Variants in NFKBID observed in about 807,000 individuals in gnomAD.
The protein encoded by NFKBID is NF-kappa-B inhibitor delta.
NFKBID carries 26 observed loss-of-function variants against 53.4 expected under a neutral mutation model. The ratio of observed to expected loss-of-function variants is 0.49; its 90% CI spans 0.36 to 0.68. The LOEUF (loss-of-function observed/expected upper bound fraction) is 0.68, where lower values mean the gene tolerates loss of function less well. NFKBID is among the 30% of genes least tolerant of loss of function. The pLI is 0.00. For synonymous variants in NFKBID, 262 were observed against 259.8 expected (o/e 1.01, Z -0.08); for missense variants, 493 against 614.1 (o/e 0.80, Z 2.08).
chr19:35,896,672 G>A lies in NFKBID; in HGVS notation c.684+54C>T, dbSNP rs1975180987. 7 of 1,563,516 alleles carry A rather than the reference G, an allele frequency of 4.5e-6. No individual in the cohort carries two copies. Among genetic ancestry groups the A allele is most frequent in the South Asian group, 2.2e-5 (2 of 89,522 alleles). ...TCTTCTCTAGGATCCAGGGGTCCAG[G>A]CCCCAGGCTCCTTCCTCCCCTGAAC... On this transcript the variant is annotated intron_variant, in intron 6 of 11. Coordinates refer to ENST00000641389, the Ensembl canonical transcript of NFKBID. The surrounding 1 kb of genome is among the most constrained non-coding windows in gnomAD (Gnocchi z 5.7).
chr19:35,898,160 G>A (rs553357171), intron 3 of NFKBID, among the ~76,000 whole-genome samples: 2 of 151,984 alleles, frequency 1.3e-5, no homozygotes, highest in African/African-American at 2.4e-5. Context: ...ACCAGCCTAG[G>A]CAACATAGCC....
chr19:35,895,438 A>C (rs1368679042), intron 9 of NFKBID, among the ~76,000 whole-genome samples: 1 of 151,638 alleles, frequency 6.6e-6, no homozygotes, highest in Non-Finnish European at 1.5e-5. Flanking sequence ...CCATGAGATG[A>C]GATTGCACCA....
intron 1 of NFKBID, chr19:35,899,706 C>T (rs980478544): frequency 6.6e-6 from 1 of 152,180 alleles, no homozygotes; most frequent in South Asian, 2.1e-4. Flanking sequence ...AGAACCCTCA[C>T]CCTTCCGAGC....
intron 9 of NFKBID, among the ~76,000 whole-genome samples, chr19:35,895,330 A>AC (rs1975063879): frequency 6.6e-6 from 1 of 151,478 alleles, no homozygotes; most frequent in African/African-American, 2.4e-5. Context: ...CAAAAAAAAA[A>AC]AAAAAAAAAT....
chr19:35,897,273 G>A (rs944026546), intron 4 of NFKBID, among the ~76,000 whole-genome samples: 1 of 150,752 alleles, frequency 6.6e-6, no homozygotes, highest in Non-Finnish European at 1.5e-5. Context: ...TTTTTTTTCG[G>A]TGACAGAGTC....
In NFKBID at chr19:35,897,675, C is replaced by A. The variant is rs777040838; in HGVS notation, c.408G>T (p.Pro136=). The A allele has an allele frequency of 3.1e-6, 5 of 1,600,766 alleles. No homozygotes were observed. In the East Asian group the frequency reaches 1.1e-4, roughly 36 times the overall value. Residue 136 remains proline, a synonymous_variant, in exon 4 of 12, where the codon CCG becomes CCT. Coordinates refer to ENST00000641389, the Ensembl canonical transcript of NFKBID. ...CCTCCATGCCCTGGGGAAATGGGCA[C>A]GGCTGCCCTGGGTCCGAGGGTGGGT...
intron 9 of NFKBID, among the ~76,000 whole-genome samples, chr19:35,895,497 A>G (rs538172410): frequency 2.0e-5 from 3 of 150,370 alleles, no homozygotes; most frequent in Non-Finnish European, 4.4e-5. Context: ...CAAAAACAAA[A>G]AAACAAACAA....
chr19:35,896,716 C>G lies in NFKBID; in HGVS notation c.684+10G>C, dbSNP rs770019027. On this transcript the variant is annotated intron_variant, in intron 6 of 11. Transcript: ENST00000641389. This position sits in a 1 kb window ranked among gnomAD's most constrained non-coding sequence, Gnocchi z 5.7. ...CCTGAACCCAGGAGAGTTCAGGCCC[C>G]AAGCCTCACCTTGCCCTTATGCTCA... The G allele has an allele frequency of 5.0e-6, 8 of 1,612,558 alleles. No homozygotes were observed. The African/African-American group carries it at 9.4e-5, about 19-fold the overall frequency.
intron 9 of NFKBID, 24 bp downstream of exon 9, chr19:35,895,956 C>G (rs774106574): frequency 1.9e-6 from 3 of 1,602,974 alleles, no homozygotes; most frequent in Non-Finnish European, 1.7e-6. Context: ...CTCCCAGGGT[C>G]TGACCGCCCA....
exon 4 of NFKBID, chr19:35,897,780 G>A: frequency 6.2e-7 from 1 of 1,607,240 alleles, no homozygotes. Context: ...CATGCGTGTT[G>A]GGGTCCCAGT....
Position 35,890,328 on chromosome 19 carries a change from C to A in NFKBID, c.1149+46G>T, listed in dbSNP as rs145948451. ...GGACCCCTAACATCCCACTGCCCCCCCTACCGTACCCCACACAATCTGCAC... is the reference window on the plus strand; with the variant it reads ...GGACCCCTAACATCCCACTGCCCCCACTACCGTACCCCACACAATCTGCAC... On this transcript the variant is annotated intron_variant, in intron 10 of 11. Coordinates refer to ENST00000641389, the Ensembl canonical transcript of NFKBID. 3.2e-3 allele frequency: 4,347 copies of A among 1,345,130 alleles called. 50 individuals are homozygous for A. Among genetic ancestry groups the A allele is most frequent in the South Asian group, 0.024 (2,005 of 85,202 alleles). 83.3% of individuals were successfully genotyped at this position (1,345,130 alleles called of 1,614,324 possible).
intron 2 of NFKBID, 89 bp downstream of exon 2, chr19:35,898,630 C>A: frequency 7.1e-7 from 1 of 1,410,376 alleles, no homozygotes; most frequent in Non-Finnish European, 9.6e-7. Context: ...CAGGACCACC[C>A]CTCTCATCAG....
intron 11 of NFKBID, 110 bp from the exon 12 acceptor site, chr19:35,888,722 T>C (rs1974549064): frequency 1.2e-6 from 1 of 802,518 alleles, no homozygotes. Context: ...GTGGGTCCCT[T>C]TGGATTTGAA....
chr19:35,897,973 C>A, intron 3 of NFKBID, 117 bp from the exon 4 acceptor site: 1 of 690,092 alleles, frequency 1.4e-6, no homozygotes, highest in Non-Finnish European at 2.4e-6. Flanking sequence ...TCTGGGACAC[C>A]AAGCTCCCGG....
chr19:35,888,588 G>A lies in NFKBID; in HGVS notation c.1339C>T (p.Arg447Cys), dbSNP rs754675713. 24 of 1,572,654 alleles carry A rather than the reference G, an allele frequency of 1.5e-5. No individual in the cohort carries two copies. Among genetic ancestry groups the A allele is most frequent in the East Asian group, 7.1e-5 (3 of 42,258 alleles). Residue 447 changes from arginine to cysteine, a missense_variant, in exon 12 of 12, where the codon CGT (arginine) becomes TGT (cysteine). Transcript: ENST00000641389. ...GAGGACAGGCCTGGCGGCGCCACAC[G>A]GCTCCTCTTCAACAGCTGCCGGAGC...
chr19:35,893,343 C>T (rs772772311), intron 9 of NFKBID, among the ~76,000 whole-genome samples: 1 of 152,152 alleles, frequency 6.6e-6, no homozygotes, highest in Non-Finnish European at 1.5e-5. Flanking sequence ...CATTAAGAGC[C>T]TAGATTACCA....
upstream of NFKBID, chr19:35,902,146 C>G (rs1028496014): frequency 1.4e-5 from 10 of 702,932 alleles, no homozygotes; most frequent in Admixed American, 2.0e-4. Flanking sequence ...ATTTCCAACC[C>G]TGTATGCCCA....
chr19:35,897,947 A>C (rs1975298119), intron 3 of NFKBID, 91 bp from the exon 4 acceptor site: 2 of 851,726 alleles, frequency 2.3e-6, no homozygotes, highest in Admixed American at 2.3e-5. Flanking sequence ...CTCCCAAGGT[A>C]CTGAGAGTTA....
intron 1 of NFKBID, chr19:35,899,782 G>C (rs1305838556): frequency 6.6e-6 from 1 of 152,152 alleles, no homozygotes; most frequent in African/African-American, 2.4e-5. Flanking sequence ...GAGGTGGCTC[G>C]GAAACAGCCC....
Sources: gnomAD v4.1 joint callset for allele counts (sites outside exome capture counted in the v4.1 genomes callset) on GRCh38, gnomAD v4.1.1 for gene constraint, Gnocchi (gnomAD v3.1) non-coding constraint, MANE v1.5 for transcripts, NCBI Gene and HGNC (gene_info 2026-07-23, HGNC 2026-07-21) for gene names.